ASIC2: variants seen among roughly 807,000 people sequenced by gnomAD.
The protein encoded by ASIC2 is acid sensing ion channel subunit 2.
ASIC2 carries 25 observed loss-of-function variants against 57.3 expected under a neutral mutation model. That is an observed-to-expected ratio of 0.44 (90% confidence interval 0.32 to 0.61). The LOEUF (loss-of-function observed/expected upper bound fraction) is 0.61, where lower values mean the gene tolerates loss of function less well. ASIC2 is among the 20% of genes least tolerant of loss of function. ASIC2 has a pLI of 0.06. For missense variants in ASIC2, 641 were observed against 738.1 expected (o/e 0.87, Z 1.52); for synonymous variants, 319 against 307.5 (o/e 1.04, Z -0.39).
intron 1 of ASIC2, among the ~76,000 whole-genome samples, chr17:33,988,114 C>T (rs533698480): frequency 3.3e-4 from 50 of 152,028 alleles, no homozygotes; most frequent in Non-Finnish European, 4.1e-4. Flanking sequence ...ACATAAGAGA[C>T]CTGAGACAGA....
At chr17:33,475,067 C>T (rs887493616) in intron 1 of ASIC2, among the ~76,000 whole-genome samples, 2 of 152,120 alleles carry the variant, frequency 1.3e-5, no homozygotes, top group East Asian at 3.9e-4. Context: ...CCTAAATACT[C>T]AACACCCTCT....
intron 1 of ASIC2, among the ~76,000 whole-genome samples, chr17:33,642,939 T>G (rs1207254228): frequency 6.6e-6 from 1 of 152,168 alleles, no homozygotes; most frequent in Non-Finnish European, 1.5e-5. Flanking sequence ...CAGCCAGTAC[T>G]GCCTGTGGCT....
At chr17:34,144,960 A>G (rs1912377158) in intron 1 of ASIC2, among the ~76,000 whole-genome samples, 1 of 152,172 alleles carries the variant, frequency 6.6e-6, no homozygotes, top group Admixed American at 6.5e-5. Context: ...TCTCTAGTCC[A>G]TAAACCTCTC....
At chr17:33,735,228 A>C (rs1909875130) in intron 1 of ASIC2, among the ~76,000 whole-genome samples, 2 of 151,940 alleles carry the variant, frequency 1.3e-5, no homozygotes, top group South Asian at 4.2e-4. Flanking sequence ...TATCTTCCTC[A>C]CTTGGACAAG....
At chr17:33,140,633 G>T (rs889611186) in intron 1 of ASIC2, among the ~76,000 whole-genome samples, 1 of 152,262 alleles carries the variant, frequency 6.6e-6, no homozygotes, top group African/African-American at 2.4e-5. Context: ...TAAGGTGGGT[G>T]TCACGTCACA....
chr17:33,579,733 G>T (rs1034151693), intron 1 of ASIC2, among the ~76,000 whole-genome samples: 4 of 152,142 alleles, frequency 2.6e-5, no homozygotes, highest in African/African-American at 9.7e-5. Flanking sequence ...AAGTAGTGCG[G>T]ACCCAAACAC....
chr17:33,608,618 G>A (rs1905296552), intron 1 of ASIC2, among the ~76,000 whole-genome samples: 1 of 152,032 alleles, frequency 6.6e-6, no homozygotes, highest in Non-Finnish European at 1.5e-5. Flanking sequence ...ACAGTGCTGG[G>A]AACTCTGGGA....
intron 1 of ASIC2, among the ~76,000 whole-genome samples, chr17:33,662,046 C>T (rs1907284955): frequency 2.0e-5 from 3 of 152,220 alleles, no homozygotes; most frequent in African/African-American, 4.8e-5. Flanking sequence ...ATAATACTTC[C>T]TACTATGCAT....
chr17:34,010,326 A>C (rs1906666092), intron 1 of ASIC2, among the ~76,000 whole-genome samples: 1 of 152,184 alleles, frequency 6.6e-6, no homozygotes, highest in Non-Finnish European at 1.5e-5. Flanking sequence ...GAAGAGCACC[A>C]GCCCCTGAGG....
At chr17:33,452,625 C>G (rs34233193) in intron 1 of ASIC2, among the ~76,000 whole-genome samples, 2,744 of 152,212 alleles carry the variant, frequency 0.018, 101 homozygotes, top group African/African-American at 0.062. Flanking sequence ...CTTTTTAGTG[C>G]TTTGCATAAT....
intron 1 of ASIC2, among the ~76,000 whole-genome samples, chr17:33,156,565 G>A (rs1036104366): frequency 6.6e-6 from 1 of 151,934 alleles, no homozygotes; most frequent in Non-Finnish European, 1.5e-5. Flanking sequence ...AGACCAGCCT[G>A]ACCAACATGT....
At chr17:34,015,532 T>C (rs1228482733) in intron 1 of ASIC2, among the ~76,000 whole-genome samples, 1 of 152,242 alleles carries the variant, frequency 6.6e-6, no homozygotes, top group Non-Finnish European at 1.5e-5. Context: ...ACAGAGCATC[T>C]GCTCTCCTAT....
Position 34,041,819 on chromosome 17 carries a change from C to T in ASIC2, c.555+114159G>A, listed in dbSNP as rs1374682854. ...AGCAGAAGAAAACACATACTGCAAT[C>T]TCCTAAGTAGTCTTTCACCTTTAAT... is the stretch of plus-strand genomic sequence containing the variant. On this transcript the variant is annotated intron_variant, in intron 1 of 9. Coordinates refer to the ASIC2 transcript ENST00000359872. Among the ~76,000 whole-genome samples, 4 of 152,340 alleles carry T rather than the reference C, an allele frequency of 2.6e-5. No homozygotes were observed. In the East Asian group the frequency reaches 7.7e-4, roughly 29 times the overall value.
At chr17:33,751,278 C>T (rs913629342) in intron 1 of ASIC2, among the ~76,000 whole-genome samples, 4 of 152,134 alleles carry the variant, frequency 2.6e-5, no homozygotes, top group Non-Finnish European at 5.9e-5. Flanking sequence ...TCTGCAGCCG[C>T]CCTGACACGG....
At chr17:33,289,953 T>C (rs1045912585) in intron 1 of ASIC2, among the ~76,000 whole-genome samples, 1 of 152,176 alleles carries the variant, frequency 6.6e-6, no homozygotes, top group African/African-American at 2.4e-5. Context: ...TTCCTTCAGC[T>C]TCGTGGAACT....
intron 1 of ASIC2, among the ~76,000 whole-genome samples, chr17:33,359,980 T>C (rs1460106181): frequency 6.6e-6 from 1 of 152,136 alleles, no homozygotes; most frequent in Non-Finnish European, 1.5e-5. Flanking sequence ...TTAAGCCAGT[T>C]ATTTGGGGTT....
chr17:34,089,480 C>G (rs1156459055), intron 1 of ASIC2, among the ~76,000 whole-genome samples: 2 of 152,166 alleles, frequency 1.3e-5, no homozygotes, highest in African/African-American at 2.4e-5. Context: ...TCATATACTG[C>G]CTGCCTCTGC....
intron 1 of ASIC2, chr17:33,530,342 T>C (rs1915012623): frequency 6.6e-6 from 1 of 152,262 alleles, no homozygotes; most frequent in Non-Finnish European, 1.5e-5. Flanking sequence ...TGAGATTGTC[T>C]CTAGACTTCC....
At chr17:33,336,099 G>T (rs559918748) in intron 1 of ASIC2, among the ~76,000 whole-genome samples, 3 of 152,014 alleles carry the variant, frequency 2.0e-5, no homozygotes, top group Non-Finnish European at 4.4e-5. Context: ...TGCCTCCTGG[G>T]TCTGCCTCCC....
Sources: allele counts gnomAD v4.1 joint callset (sites outside exome capture counted in the v4.1 genomes callset), GRCh38; gene constraint gnomAD v4.1.1; transcripts MANE v1.5; gene names NCBI Gene and HGNC (gene_info 2026-07-23, HGNC 2026-07-21).